The following LINGO2 variants were observed in gnomAD, a reference collection of about 807,000 sequenced individuals.
LINGO2 encodes the protein leucine rich repeat and Ig domain containing 2.
LINGO2 carries 14 observed loss-of-function variants against 30.6 expected under a neutral mutation model. The ratio of observed to expected loss-of-function variants is 0.46; its 90% confidence interval spans 0.30 to 0.72. The LOEUF is 0.72. LINGO2 is among the 30% of genes least tolerant of loss of function. The pLI is 0.07. For missense variants in LINGO2, 729 were observed against 751.7 expected (o/e 0.97, Z 0.35); for synonymous variants, 317 against 288.5 (o/e 1.10, Z -1.00).
chr9:28,014,091 T>C (rs1822698462), intron 4 of LINGO2, among the ~76,000 whole-genome samples: 1 of 152,176 alleles, frequency 6.6e-6, no homozygotes, highest in Non-Finnish European at 1.5e-5. Context: ...CACCACTGTG[T>C]AGGACGTGGT....
the LINGO2 span, among the ~76,000 whole-genome samples, chr9:29,159,694 T>TA: frequency 2.0e-5 from 3 of 151,764 alleles, no homozygotes; most frequent in Non-Finnish European, 2.9e-5. Context: ...CTGTCTCTAC[T>TA]AAAAAATACA....
chr9:28,660,172 A>C (rs1828532950), intron 1 of LINGO2, among the ~76,000 whole-genome samples: 1 of 152,188 alleles, frequency 6.6e-6, no homozygotes, highest in Non-Finnish European at 1.5e-5. Context: ...GTGAAAGTGA[A>C]TAAAGATTAA....
the LINGO2 span, among the ~76,000 whole-genome samples, chr9:28,676,233 T>A: frequency 6.6e-6 from 1 of 151,968 alleles, no homozygotes; most frequent in Non-Finnish European, 1.5e-5. Context: ...TTAAGTTATA[T>A]GATGCCAAAT....
At chr9:28,907,734 A>AG in the LINGO2 span, among the ~76,000 whole-genome samples, 1 of 151,908 alleles carries the variant, frequency 6.6e-6, no homozygotes, top group South Asian at 2.1e-4. Flanking sequence ...ATGAATGTAC[A>AG]GAAAATGAAG....
chr9:28,024,547 A>C (rs1417454687), intron 4 of LINGO2, among the ~76,000 whole-genome samples: 1 of 152,190 alleles, frequency 6.6e-6, no homozygotes, highest in Non-Finnish European at 1.5e-5. Flanking sequence ...TCAGATCTTC[A>C]GATTTTGCAT....
rs142144148 is a variant in LINGO2 at position 28,028,300 on chromosome 9, T to C, written c.-86-15895A>G. On this transcript the variant is annotated intron_variant, in intron 4 of 5. Transcript: ENST00000379992. The stretch of plus-strand genomic sequence containing the variant: ...CAACTAGGCAGGTGCAATGCCATCA[T>C]ATAAAATCTTTATTTCATCGATTCT... 1.9e-3 allele frequency among the ~76,000 whole-genome samples: 282 copies of C among 152,310 alleles called. 2 individuals carry two copies. Among genetic ancestry groups the C allele is most frequent in the Middle Eastern group, 0.014 (4 of 294 alleles).
the LINGO2 span, chr9:27,938,960 G>A: frequency 4.6e-5 from 7 of 152,138 alleles, no homozygotes; most frequent in East Asian, 1.2e-3. Flanking sequence ...GGAAAGGACC[G>A]AGTAGATTCC....
the LINGO2 span, among the ~76,000 whole-genome samples, chr9:29,048,567 A>G: frequency 2.0e-5 from 3 of 152,198 alleles, no homozygotes; most frequent in Non-Finnish European, 2.9e-5. Flanking sequence ...CTGGCTTCAA[A>G]TTAGACTACA....
chr9:28,247,216 G>T (rs1459596377), intron 4 of LINGO2, among the ~76,000 whole-genome samples: 1 of 152,182 alleles, frequency 6.6e-6, no homozygotes. Context: ...TCTAGAACCA[G>T]AAATGCCATT....
intron 3 of LINGO2, among the ~76,000 whole-genome samples, chr9:28,346,024 C>T (rs556766781): frequency 3.0e-3 from 456 of 152,182 alleles, no homozygotes; most frequent in African/African-American, 0.011. Context: ...AAGCATCATC[C>T]ACAGATTTCT....
chr9:29,147,991 A>G, the LINGO2 span, among the ~76,000 whole-genome samples: 4 of 152,120 alleles, frequency 2.6e-5, no homozygotes, highest in Non-Finnish European at 5.9e-5. Flanking sequence ...TTTTACAAAA[A>G]TACTTATTTA....
chr9:28,442,829 C>G (rs1221679522), intron 2 of LINGO2, among the ~76,000 whole-genome samples: 4 of 152,086 alleles, frequency 2.6e-5, no homozygotes, highest in African/African-American at 4.8e-5. Flanking sequence ...GTTGAAATCA[C>G]AATTCTATGG....
Position 28,334,613 on chromosome 9 carries a change from T to TA in LINGO2, c.-246+38222dup, listed in dbSNP as rs150235379. Among the ~76,000 whole-genome samples the TA allele has an allele frequency of 4.1e-3, 629 of 152,246 alleles. 20 individuals carry two copies. In the East Asian group the frequency reaches 0.088, roughly 21 times the overall value. ...GTGTTTTCCGTAGAGAATGGGACTC[T>TA]AGTAGGTTTGGGTGGCGTAGTGGTT... On this transcript the variant is annotated intron_variant, in intron 3 of 5. Coordinates refer to ENST00000379992, the Ensembl canonical transcript of LINGO2.
At chr9:28,118,977 A>T (rs1436340230) in intron 4 of LINGO2, among the ~76,000 whole-genome samples, 6 of 152,194 alleles carry the variant, frequency 3.9e-5, no homozygotes, top group Non-Finnish European at 8.8e-5. Context: ...TGTATAATTT[A>T]CCTGTGGTCC....
chr9:27,956,039 A>G (rs1302465345), intron 5 of LINGO2, among the ~76,000 whole-genome samples: 1 of 147,086 alleles, frequency 6.8e-6, no homozygotes, highest in African/African-American at 2.5e-5. Flanking sequence ...TCCTGCGTTC[A>G]AGCGATTCTC....
At chr9:27,946,969 A>G (rs531986621), downstream of LINGO2, among the ~76,000 whole-genome samples, 1 of 152,098 alleles carries the variant, frequency 6.6e-6, no homozygotes, top group African/African-American at 2.4e-5. Context: ...CAAAATTTCA[A>G]ATTTTCAAAT....
chr9:27,984,362 C>G (rs1821026931), intron 5 of LINGO2, among the ~76,000 whole-genome samples: 1 of 151,818 alleles, frequency 6.6e-6, no homozygotes, highest in South Asian at 2.1e-4. Context: ...AATAGGTGAG[C>G]AGTGAGCTGT....
At chr9:28,929,395 A>G in the LINGO2 span, among the ~76,000 whole-genome samples, 2 of 152,208 alleles carry the variant, frequency 1.3e-5, no homozygotes, top group African/African-American at 4.8e-5. Context: ...AAGGAATAAA[A>G]TGTTAGCCTC....
At chr9:28,735,320 A>C in the LINGO2 span, among the ~76,000 whole-genome samples, 1 of 152,280 alleles carries the variant, frequency 6.6e-6, no homozygotes, top group Non-Finnish European at 1.5e-5. Flanking sequence ...AATTTTAAAA[A>C]TTATATTAAC....
Sources: gnomAD v4.1 joint callset for allele counts (sites outside exome capture counted in the v4.1 genomes callset) on GRCh38, gnomAD v4.1.1 for gene constraint, MANE v1.5 for transcripts, NCBI Gene and HGNC (gene_info 2026-07-23, HGNC 2026-07-21) for gene names.